RBMS3: variants seen among roughly 807,000 people sequenced by gnomAD.
The protein encoded by RBMS3 is RNA-binding motif, single-stranded-interacting protein 3.
A neutral mutation model predicts 66.8 loss-of-function variants in RBMS3; 27 were observed. That is an observed-to-expected ratio of 0.40 (90% CI 0.30 to 0.56). The LOEUF (loss-of-function observed/expected upper bound fraction) is 0.56, where lower values mean the gene tolerates loss of function less well. Among genes scored for constraint, RBMS3 ranks in the 20% least tolerant of loss-of-function variants. The pLI, the probability that RBMS3 is intolerant of heterozygous loss-of-function variation, is 0.40. For synonymous variants in RBMS3, 188 were observed against 183.0 expected (o/e 1.03, Z -0.22); for missense variants, 513 against 549.5 (o/e 0.93, Z 0.66).
intron 1 of RBMS3, among the ~76,000 whole-genome samples, chr3:29,408,196 C>T (rs1018421468): frequency 2.5e-4 from 37 of 146,072 alleles, no homozygotes; most frequent in Admixed American, 1.7e-3. Context: ...GGTGTGAACC[C>T]GGGAGGCGGA....
chr3:29,708,766 A>G (rs2053024365), intron 4 of RBMS3, among the ~76,000 whole-genome samples: 2 of 152,172 alleles, frequency 1.3e-5, no homozygotes, highest in African/African-American at 2.4e-5. Context: ...TCATAAGAAG[A>G]CTATCTAACT....
chr3:29,951,121 C>T (rs1040929383), intron 12 of RBMS3, among the ~76,000 whole-genome samples: 7 of 151,760 alleles, frequency 4.6e-5, no homozygotes, highest in Non-Finnish European at 1.0e-4. Context: ...AAATCTTCCA[C>T]AAATTCAACT....
chr3:29,837,181 C>T (rs748136354), intron 6 of RBMS3, among the ~76,000 whole-genome samples: 1 of 152,036 alleles, frequency 6.6e-6, no homozygotes, highest in Non-Finnish European at 1.5e-5. Flanking sequence ...AGTTCCAACA[C>T]AGGTGATTCT....
chr3:29,281,540 G>T lies in RBMS3; in HGVS notation c.-142G>T. On this transcript the variant is annotated 5_prime_UTR_variant, in exon 1 of 15. Coordinates refer to ENST00000383767, the MANE Select transcript of RBMS3 (RefSeq NM_001003793.3). ...TGTTTTTTAAAAAAATTCTTGCTGT[G>T]TTGGAACTAGCGAGTGGTGGAGTCT... 9.5e-6 allele frequency: 6 copies of T among 632,118 alleles called. No homozygotes were observed. The highest frequency in any genetic ancestry group is 5.9e-5 in the South Asian group (3 of 51,158). The allele number at this position is 632,118 out of a possible 1,614,324, so 39.2% of individuals were successfully genotyped here. A position where few individuals can be genotyped will look rare whatever the true frequency, so the allele number is the denominator to read the frequency against.
chr3:29,646,086 C>T (rs1214865481), intron 4 of RBMS3, among the ~76,000 whole-genome samples: 1 of 152,232 alleles, frequency 6.6e-6, no homozygotes, highest in African/African-American at 2.4e-5. Context: ...ATAGTGTAAT[C>T]ATTTGGCTGT....
intron 1 of RBMS3, among the ~76,000 whole-genome samples, chr3:29,323,691 T>TACACACACAC (rs10565045): frequency 6.2e-4 from 89 of 144,368 alleles, no homozygotes; most frequent in African/African-American, 2.0e-3. Flanking sequence ...CACACACACA[T>TACACACACAC]ACACACACAC....
Position 29,408,292 on chromosome 3 carries a change from A to T in RBMS3, c.76-26451A>T, listed in dbSNP as rs1282230655. Among the ~76,000 whole-genome samples, 7 of 145,812 alleles carry T rather than the reference A, an allele frequency of 4.8e-5. No individual in the cohort carries two copies. The East Asian group carries it at 1.5e-3, about 31-fold the overall frequency. On this transcript the variant is annotated intron_variant, in intron 1 of 14. Transcript: ENST00000383767. ...ATCTCAAAAAAAAAAAAAAAAAAAA[A>T]GGAAGTAGGAAAATTATGTAAATAA...
intron 2 of RBMS3, among the ~76,000 whole-genome samples, chr3:29,477,482 A>AACAC (rs1351231580): frequency 1.3e-5 from 2 of 150,818 alleles, no homozygotes; most frequent in East Asian, 4.0e-4. Context: ...CAAACAAACA[A>AACAC]AATTATGCTC....
At chr3:29,886,664 A>G (rs2059878462) in intron 8 of RBMS3, among the ~76,000 whole-genome samples, 1 of 151,818 alleles carries the variant, frequency 6.6e-6, no homozygotes. Context: ...TTGGAAGTTC[A>G]AGTATTTGGT....
Position 29,516,343 on chromosome 3 carries a change from C to A in RBMS3, c.307+27844C>A, listed in dbSNP as rs1476033076. On this transcript the variant is annotated intron_variant, in intron 3 of 14. Coordinates refer to ENST00000383767, the MANE Select transcript of RBMS3 (RefSeq NM_001003793.3). ...GGCCTAGAGGTCAGGAGATGACGAT[C>A]TGAGTGTCAGAATAATCTAAACCAC... Among the ~76,000 whole-genome samples, 4 of 152,188 alleles carry A rather than the reference C, an allele frequency of 2.6e-5. No individual in the cohort carries two copies. In the East Asian group the frequency reaches 7.7e-4, roughly 29 times the overall value.
chr3:29,446,164 G>T (rs1299954958), intron 2 of RBMS3, among the ~76,000 whole-genome samples: 1 of 152,142 alleles, frequency 6.6e-6, no homozygotes, highest in African/African-American at 2.4e-5. Context: ...TGAGTCCATT[G>T]TGGGTTCTAA....
At chr3:29,854,598 G>C (rs1231928019) in intron 6 of RBMS3, among the ~76,000 whole-genome samples, 1 of 152,170 alleles carries the variant, frequency 6.6e-6, no homozygotes, top group Non-Finnish European at 1.5e-5. Context: ...GAGAAAGGAA[G>C]GTTGACTTGA....
chr3:29,557,593 T>C (rs1377047523), intron 3 of RBMS3, among the ~76,000 whole-genome samples: 2 of 152,230 alleles, frequency 1.3e-5, no homozygotes, highest in Non-Finnish European at 2.9e-5. Flanking sequence ...AGCAAACCAC[T>C]GTTCAGGATA....
intron 8 of RBMS3, among the ~76,000 whole-genome samples, chr3:29,886,819 T>TAGA (rs1194773180): frequency 2.6e-5 from 4 of 151,674 alleles, no homozygotes; most frequent in Admixed American, 6.6e-5. Flanking sequence ...AGTACAGTTA[T>TAGA]AGAAGTGTGA....
At chr3:29,605,924 C>T (rs533935836) in intron 4 of RBMS3, among the ~76,000 whole-genome samples, 3 of 150,382 alleles carry the variant, frequency 2.0e-5, no homozygotes, top group Admixed American at 6.6e-5. Flanking sequence ...GGTTTTCTTG[C>T]ATTTTCCCCT....
chr3:29,590,639 A>C (rs1013069396), intron 4 of RBMS3, among the ~76,000 whole-genome samples: 1 of 152,054 alleles, frequency 6.6e-6, no homozygotes, highest in African/African-American at 2.4e-5. Context: ...CCAGACTATG[A>C]ATTTTGGCTG....
At chr3:29,691,949 A>ATTCTTTTTTTTTTTTTTTTT (rs2052037147) in intron 4 of RBMS3, among the ~76,000 whole-genome samples, 1 of 65,014 alleles carries the variant, frequency 1.5e-5, no homozygotes, top group Non-Finnish European at 2.9e-5. Flanking sequence ...CTCTCTCTCT[A>ATTCTTTTTTTTTTTTTTTTT]TTTTTTTTTT....
chr3:29,846,349 G>C (rs535969198), intron 6 of RBMS3, among the ~76,000 whole-genome samples: 22 of 152,242 alleles, frequency 1.4e-4, no homozygotes, highest in Non-Finnish European at 2.6e-4. Flanking sequence ...AGGTAGGTAA[G>C]AGTTTAGAGC....
chr3:29,480,256 A>G (rs2043084669), intron 2 of RBMS3, among the ~76,000 whole-genome samples: 1 of 152,224 alleles, frequency 6.6e-6, no homozygotes, highest in African/African-American at 2.4e-5. Context: ...AGTCTCAGAC[A>G]AACTGAATCA....
Sources: allele counts gnomAD v4.1 joint callset (sites outside exome capture counted in the v4.1 genomes callset), GRCh38; gene constraint gnomAD v4.1.1; transcripts MANE v1.5; gene names NCBI Gene and HGNC (gene_info 2026-07-23, HGNC 2026-07-21).